Variants in TRAPPC9 observed in about 807,000 individuals in gnomAD.
TRAPPC9 encodes IKK2 binding protein.
TRAPPC9 carries 83 observed loss-of-function variants against 124.0 expected under a neutral mutation model. The ratio of observed to expected loss-of-function variants is 0.67; its 90% CI spans 0.56 to 0.80. The LOEUF is 0.80. Ranked by LOEUF, TRAPPC9 falls within the 30% of genes least tolerant of loss-of-function variation. The pLI, the probability that TRAPPC9 is intolerant of heterozygous loss-of-function variation, is 0.00. For missense variants in TRAPPC9, 1,302 were observed against 1,508.3 expected, an observed-to-expected ratio of 0.86 and a Z score of 2.27; for synonymous variants, 638 against 617.5, an observed-to-expected ratio of 1.03 and a Z score of -0.49.
In TRAPPC9 at chr8:140,142,424, G is replaced by A. The variant is rs140102185; in HGVS notation, c.2556+79035C>T. On this transcript the variant is annotated intron_variant, in intron 17 of 22. Transcript: ENST00000438773. ...ATGCAACAGTAGGCTGGTGTGGGCC[G>A]GCACCGCAGCAGCCCCGGTGTCCAC... 2.0e-3 allele frequency among the ~76,000 whole-genome samples: 309 copies of A among 152,368 alleles called. 1 individual carries two copies. Among genetic ancestry groups the A allele is most frequent in the Middle Eastern group, 0.01 (3 of 294 alleles).
At chr8:140,445,476 G>A (rs1009494286) in intron 2 of TRAPPC9, among the ~76,000 whole-genome samples, 1 of 152,176 alleles carries the variant, frequency 6.6e-6, no homozygotes, top group Non-Finnish European at 1.5e-5. Context: ...AGGGCCTGCG[G>A]TCCAGGAGAG....
chr8:140,216,776 AT>A lies in TRAPPC9; in HGVS notation c.2556+4682del, dbSNP rs1430721572. On this transcript the variant is annotated intron_variant, in intron 17 of 22. Transcript: ENST00000438773. This position sits in a 1 kb window ranked among gnomAD's most constrained non-coding sequence, Gnocchi z 4.1. ...CTCACCCCAGCTTCTTCTTCCTTCA[AT>A]ACTCCACTTGAGTGCAACTTCCTCT... 6.6e-6 allele frequency among the ~76,000 whole-genome samples: 1 copy of A among 152,108 alleles called. No homozygotes were observed. Among genetic ancestry groups the A allele is most frequent in the African/African-American group, 2.4e-5 (1 of 41,426 alleles).
chr8:140,185,699 G>C (rs2062337536), intron 17 of TRAPPC9, among the ~76,000 whole-genome samples: 1 of 152,234 alleles, frequency 6.6e-6, no homozygotes, highest in South Asian at 2.1e-4. Flanking sequence ...GAGGGGCGGG[G>C]ACTGTGTGGT....
At chr8:139,795,440 C>T (rs892042011) in intron 21 of TRAPPC9, among the ~76,000 whole-genome samples, 1 of 151,826 alleles carries the variant, frequency 6.6e-6, no homozygotes, top group Non-Finnish European at 1.5e-5. Context: ...CCCAGGGACC[C>T]TTCCACCACT....
At chr8:139,868,582 G>A (rs1019304597) in intron 21 of TRAPPC9, among the ~76,000 whole-genome samples, 14 of 152,172 alleles carry the variant, frequency 9.2e-5, no homozygotes, top group South Asian at 2.1e-4. Context: ...TGGGAAAAAC[G>A]TGAATTTTGA....
intron 18 of TRAPPC9, among the ~76,000 whole-genome samples, chr8:140,010,425 T>A (rs1839044144): frequency 6.6e-6 from 1 of 152,108 alleles, no homozygotes. Context: ...ACCAAAATAA[T>A]TTGTAGTAAA....
chr8:139,887,313 C>G (rs1469866540), intron 20 of TRAPPC9, among the ~76,000 whole-genome samples: 2 of 151,784 alleles, frequency 1.3e-5, no homozygotes, highest in Non-Finnish European at 2.9e-5. Flanking sequence ...CTCCGCCTCC[C>G]AGGCTCAAGT....
chr8:139,754,991 T>C (rs933121494), intron 21 of TRAPPC9, among the ~76,000 whole-genome samples: 1 of 152,188 alleles, frequency 6.6e-6, no homozygotes, highest in Non-Finnish European at 1.5e-5. Context: ...CCAGGGGCCC[T>C]GGGAAGGACG....
At chr8:139,995,660 C>A (rs1048034329) in intron 18 of TRAPPC9, among the ~76,000 whole-genome samples, 6 of 152,004 alleles carry the variant, frequency 3.9e-5, no homozygotes, top group Non-Finnish European at 1.5e-5. Context: ...ATTCAGAGAG[C>A]AGACAAAGTC....
At chr8:139,809,621 C>G (rs1824298915) in intron 21 of TRAPPC9, among the ~76,000 whole-genome samples, 1 of 152,140 alleles carries the variant, frequency 6.6e-6, no homozygotes, top group South Asian at 2.1e-4. Flanking sequence ...TCCTCCAGAG[C>G]CTGGCCTCCT....
chr8:140,205,620 C>A (rs1182645306), intron 17 of TRAPPC9, among the ~76,000 whole-genome samples: 1 of 152,168 alleles, frequency 6.6e-6, no homozygotes, highest in Non-Finnish European at 1.5e-5. Context: ...TCAAAGAGAA[C>A]AACTCAAATG....
chr8:140,191,496 G>A (rs1037564841), intron 17 of TRAPPC9, among the ~76,000 whole-genome samples: 2 of 152,144 alleles, frequency 1.3e-5, no homozygotes, highest in Non-Finnish European at 2.9e-5. Flanking sequence ...GAGTTCACGT[G>A]AGATCTAGTT....
chr8:139,956,685 G>A (rs1237002199), intron 19 of TRAPPC9, among the ~76,000 whole-genome samples: 3 of 152,198 alleles, frequency 2.0e-5, no homozygotes, highest in Non-Finnish European at 4.4e-5. Context: ...AGAGCCTGGC[G>A]CCTGTGGATG....
intron 19 of TRAPPC9, among the ~76,000 whole-genome samples, chr8:139,938,934 C>T (rs1219312195): frequency 3.1e-4 from 47 of 152,092 alleles, no homozygotes; most frequent in Non-Finnish European, 3.2e-4. Flanking sequence ...CGTGAGCCAC[C>T]GCGCCCGGCC....
intron 21 of TRAPPC9, among the ~76,000 whole-genome samples, chr8:139,762,469 G>A (rs994424025): frequency 4.6e-5 from 7 of 152,170 alleles, no homozygotes; most frequent in African/African-American, 7.2e-5. Flanking sequence ...CACCGAGGCC[G>A]TGTGGTGGAG....
At chr8:139,882,067 C>T (rs549810557) in intron 21 of TRAPPC9, among the ~76,000 whole-genome samples, 4 of 152,166 alleles carry the variant, frequency 2.6e-5, no homozygotes, top group Non-Finnish European at 5.9e-5. Context: ...GTTTTCACAC[C>T]AGGGCTTGGG....
chr8:140,314,020 A>T (rs2066379574), intron 9 of TRAPPC9, among the ~76,000 whole-genome samples: 1 of 152,196 alleles, frequency 6.6e-6, no homozygotes, highest in Non-Finnish European at 1.5e-5. Flanking sequence ...CAGATCTATT[A>T]TTTCATCAGG....
chr8:140,088,009 T>C (rs1844312548), intron 17 of TRAPPC9, among the ~76,000 whole-genome samples: 2 of 151,978 alleles, frequency 1.3e-5, no homozygotes, highest in African/African-American at 2.4e-5. Context: ...GCTCTTTAGA[T>C]GGCTATCTCT....
chr8:140,320,279 G>A (rs911987324), intron 9 of TRAPPC9, among the ~76,000 whole-genome samples: 1 of 152,182 alleles, frequency 6.6e-6, no homozygotes, highest in Non-Finnish European at 1.5e-5. Flanking sequence ...TTTGTCCCCT[G>A]GTGTCTACAT....
Sources: allele counts gnomAD v4.1 joint callset (sites outside exome capture counted in the v4.1 genomes callset), GRCh38; gene constraint gnomAD v4.1.1; non-coding constraint Gnocchi (gnomAD v3.1); transcripts MANE v1.5; gene names NCBI Gene and HGNC (gene_info 2026-07-23, HGNC 2026-07-21).